The following SUMF1 variants were observed in gnomAD, a reference collection of about 807,000 sequenced individuals.
The protein encoded by SUMF1 is formylglycine-generating enzyme.
Under a neutral mutation model 47.6 loss-of-function variants are expected in SUMF1, and 48 were observed. The observed-to-expected ratio is 1.01, with a 90% CI of 0.80 to 1.28. The LOEUF (loss-of-function observed/expected upper bound fraction) is 1.28. SUMF1 is among the 50% of genes most tolerant of loss of function. SUMF1 has a pLI of 0.00. For missense variants in SUMF1, 571 were observed against 485.4 expected, an observed-to-expected ratio of 1.18 and a Z score of -1.66; for synonymous variants, 230 against 192.1, an observed-to-expected ratio of 1.20 and a Z score of -1.63.
chr3:4,222,434 T>C (rs982154602), intron 8 of SUMF1, among the ~76,000 whole-genome samples: 2 of 152,006 alleles, frequency 1.3e-5, no homozygotes, highest in Admixed American at 1.3e-4. Flanking sequence ...TTTGAGTTCT[T>C]TCACTCACAC....
At chr3:4,062,011 T>C (rs1032756951) in intron 9 of SUMF1, among the ~76,000 whole-genome samples, 3 of 152,018 alleles carry the variant, frequency 2.0e-5, no homozygotes, top group African/African-American at 7.2e-5. Flanking sequence ...GTTTCTGTAT[T>C]TACCTCTCCT....
chr3:4,460,599 AGT>A (rs144375913), intron 1 of SUMF1, among the ~76,000 whole-genome samples: 1,879 of 143,400 alleles, frequency 0.013, 17 homozygotes, highest in Middle Eastern at 0.029. Flanking sequence ...TCACACACAC[AGT>A]GTGTGTGTGT....
At chr3:4,363,516 T>C (rs998596932) in intron 8 of SUMF1, among the ~76,000 whole-genome samples, 1 of 151,732 alleles carries the variant, frequency 6.6e-6, no homozygotes, top group Non-Finnish European at 1.5e-5. Context: ...ATGATTTGGC[T>C]CTCTGTTTGT....
chr3:4,170,694 T>C (rs557864838), intron 8 of SUMF1, among the ~76,000 whole-genome samples: 2 of 152,124 alleles, frequency 1.3e-5, no homozygotes, highest in Non-Finnish European at 2.9e-5. Flanking sequence ...TATAGTGAAC[T>C]AAACTTTGAC....
intron 8 of SUMF1, among the ~76,000 whole-genome samples, chr3:4,373,149 T>C (rs1423596661): frequency 6.6e-6 from 1 of 151,828 alleles, no homozygotes; most frequent in Non-Finnish European, 1.5e-5. Flanking sequence ...GAGTTACAAC[T>C]AATAAGCATA....
chr3:4,131,958 G>A (rs570859799), intron 8 of SUMF1, among the ~76,000 whole-genome samples: 4 of 152,076 alleles, frequency 2.6e-5, no homozygotes, highest in Admixed American at 6.6e-5. Flanking sequence ...CACCAAGGCC[G>A]ACCTGGCTAC....
At chr3:4,173,944 G>T (rs1382605579) in intron 8 of SUMF1, among the ~76,000 whole-genome samples, 2 of 152,134 alleles carry the variant, frequency 1.3e-5, no homozygotes, top group Admixed American at 1.3e-4. Flanking sequence ...AGGTTGATGG[G>T]TGTGGCAAAC....
intron 8 of SUMF1, among the ~76,000 whole-genome samples, chr3:4,243,565 C>T (rs1357715191): frequency 6.6e-6 from 1 of 151,970 alleles, no homozygotes; most frequent in Non-Finnish European, 1.5e-5. Flanking sequence ...CATGTAGTTG[C>T]ATGGTTTTGA....
intron 9 of SUMF1, among the ~76,000 whole-genome samples, chr3:4,063,241 G>T (rs774378642): frequency 1.3e-5 from 2 of 152,026 alleles, no homozygotes; most frequent in African/African-American, 4.8e-5. Context: ...AACAACAGGA[G>T]CTATCAGGCA....
At chr3:4,391,151 G>A (rs1482264317) in intron 7 of SUMF1, among the ~76,000 whole-genome samples, 2 of 152,096 alleles carry the variant, frequency 1.3e-5, no homozygotes, top group African/African-American at 4.8e-5. Context: ...CATTATTGTT[G>A]CCCTGTATGT....
intron 8 of SUMF1, among the ~76,000 whole-genome samples, chr3:4,217,077 T>C (rs1024683244): frequency 3.3e-5 from 5 of 152,054 alleles, no homozygotes; most frequent in Non-Finnish European, 7.4e-5. Context: ...ATGTTTATTG[T>C]GGCACTATTC....
chr3:4,381,355 G>A (rs567249329), intron 7 of SUMF1, among the ~76,000 whole-genome samples: 2 of 152,176 alleles, frequency 1.3e-5, no homozygotes, highest in Non-Finnish European at 2.9e-5. Context: ...GGAAGGGGGT[G>A]ACGGATAAAA....
intron 1 of SUMF1, among the ~76,000 whole-genome samples, chr3:4,455,765 C>T (rs1703140557): frequency 6.6e-6 from 1 of 151,992 alleles, no homozygotes; most frequent in African/African-American, 2.4e-5. Flanking sequence ...AAGCCCAGAA[C>T]CAGATGGCTT....
At position 4,467,120 on chromosome 3, in the gene SUMF1, G is replaced by C. The variant is rs1338859379; in HGVS notation, c.126C>G (p.Gly42=). The part of the protein sequence containing the change: ...AGSQEAGTGA[G]AGSLAGSCGC... ...CGCAAGAACCCGCAAGGGACCCCGC[G>C]CCCGCACCGGTCCCGGCCTCCTGGC... The change falls in exon 1 of 9, where the codon GGC becomes GGG. Residue 42 remains glycine (G), a synonymous_variant. Transcript: ENST00000272902. 1.3e-6 allele frequency: 2 copies of C among 1,560,786 alleles called. No individual in the cohort carries two copies. Among genetic ancestry groups the C allele is most frequent in the Admixed American group, 3.8e-5 (2 of 52,592 alleles).
At chr3:4,188,233 C>T (rs578224644) in intron 8 of SUMF1, among the ~76,000 whole-genome samples, 14 of 150,910 alleles carry the variant, frequency 9.3e-5, no homozygotes, top group East Asian at 2.0e-4. Context: ...TGGAGTGCAA[C>T]GGGGTAATCT....
intron 8 of SUMF1, among the ~76,000 whole-genome samples, chr3:4,241,183 A>T (rs1696529620): frequency 6.6e-6 from 1 of 152,168 alleles, no homozygotes; most frequent in Non-Finnish European, 1.5e-5. Flanking sequence ...AGGCTCTCCA[A>T]ATATATCTGT....
intron 9 of SUMF1, among the ~76,000 whole-genome samples, chr3:4,043,205 C>T (rs573537105): frequency 6.6e-6 from 1 of 152,232 alleles, no homozygotes; most frequent in African/African-American, 2.4e-5. Flanking sequence ...CCCATGCTCA[C>T]CCCATGCTCT....
At chr3:4,061,762 C>T (rs1417155740) in intron 9 of SUMF1, among the ~76,000 whole-genome samples, 1 of 152,022 alleles carries the variant, frequency 6.6e-6, no homozygotes, top group Non-Finnish European at 1.5e-5. Flanking sequence ...CAGTTGACAG[C>T]CTGTGACAGG....
At chr3:4,283,072 G>A (rs1484986158) in intron 8 of SUMF1, among the ~76,000 whole-genome samples, 2 of 152,084 alleles carry the variant, frequency 1.3e-5, no homozygotes, top group African/African-American at 2.4e-5. Flanking sequence ...TGGAATTGAT[G>A]ACCTGCATTT....
Sources: allele counts gnomAD v4.1 joint callset (sites outside exome capture counted in the v4.1 genomes callset), GRCh38; gene constraint gnomAD v4.1.1; transcripts MANE v1.5; gene names NCBI Gene and HGNC (gene_info 2026-07-23, HGNC 2026-07-21).